The following HNF4A variants were observed in gnomAD, a reference collection of about 807,000 sequenced individuals.
HNF4A encodes the protein hepatocyte nuclear factor 4 alpha.
A neutral mutation model predicts 52.4 loss-of-function variants in HNF4A; 15 were observed. The ratio of observed to expected loss-of-function variants is 0.29; its 90% CI spans 0.19 to 0.44. HNF4A has a LOEUF of 0.44. HNF4A is among the 20% of genes least tolerant of loss of function. The pLI is 1.00. For synonymous variants in HNF4A, 280 were observed against 264.4 expected, an observed-to-expected ratio of 1.06 and a Z score of -0.57; for missense variants, 479 against 647.2, an observed-to-expected ratio of 0.74 and a Z score of 2.82.
chr20:44,360,867 T>C (rs996526638), intron 1 of HNF4A, among the ~76,000 whole-genome samples: 1 of 152,166 alleles, frequency 6.6e-6, no homozygotes, highest in African/African-American at 2.4e-5. Context: ...ACTTCTCTGG[T>C]CCTCAGTTTC....
Position 44,424,055 on chromosome 20 carries a change from G to C in HNF4A, c.930G>C (p.Arg310=). ...TGAGCGATCCAGGGAAGATCAAGCG[G>C]CTGCGTTCCCAGGTGCAGGTGAGCT... The change falls in exon 8 of 10, where the codon CGG becomes CGC. Residue 310 remains arginine, a synonymous_variant. Transcript: ENST00000316099. 6.2e-7 allele frequency: 1 copy of C among 1,613,292 alleles called. No individual in the cohort carries two copies. The highest frequency in any genetic ancestry group is 8.5e-7 in the Non-Finnish European group (1 of 1,179,988).
intron 6 of HNF4A, among the ~76,000 whole-genome samples, chr20:44,419,092 T>A (rs2063707928): frequency 6.6e-6 from 1 of 152,178 alleles, no homozygotes; most frequent in Non-Finnish European, 1.5e-5. Flanking sequence ...TGCATTCTGA[T>A]GTTCTTTCTG....
intron 1 of HNF4A, among the ~76,000 whole-genome samples, chr20:44,403,363 G>A (rs1165433581): frequency 1.3e-5 from 2 of 152,214 alleles, no homozygotes; most frequent in Non-Finnish European, 2.9e-5. Context: ...ATAAATAATA[G>A]TGTCTGTCTC....
chr20:44,404,711 G>A (rs957220844), intron 1 of HNF4A, among the ~76,000 whole-genome samples: 1 of 92,524 alleles, frequency 1.1e-5, no homozygotes, highest in Non-Finnish European at 2.3e-5. Flanking sequence ...GAGCGTGTGT[G>A]TGCTTATGTG....
rs2063717890 is a variant in HNF4A at position 44,419,758 on chromosome 20, G to C, written c.774G>C (p.Leu258=). ...TTGTCCCTCGGCACTGCCCGGAGCT[G>C]GCGGAGATGAGCCGGGTGTCCATAC... Residue 258 remains leucine (L), a synonymous_variant, in exon 7 of 10, where the codon CTG becomes CTC. Transcript: ENST00000316099. 3 of 1,614,080 alleles carry C rather than the reference G, an allele frequency of 1.9e-6. No homozygotes were observed. Among genetic ancestry groups the C allele is most frequent in the South Asian group, 1.1e-5 (1 of 91,086 alleles).
intron 5 of HNF4A, among the ~76,000 whole-genome samples, chr20:44,415,699 G>A (rs768491779): frequency 2.6e-5 from 4 of 152,208 alleles, no homozygotes; most frequent in Admixed American, 6.5e-5. Flanking sequence ...ACTTTGCAGA[G>A]GCCGAGGCTT....
chr20:44,387,288 TAAAAAAAAAAA>T (rs537843651), intron 1 of HNF4A, among the ~76,000 whole-genome samples: 9 of 82,012 alleles, frequency 1.1e-4, no homozygotes, highest in South Asian at 4.2e-4. Context: ...AACTTCATCT[TAAAAAAAAAAA>T]AAAAAAAAAA....
At chr20:44,406,929 T>C (rs1194636744) in intron 2 of HNF4A, among the ~76,000 whole-genome samples, 1 of 152,186 alleles carries the variant, frequency 6.6e-6, no homozygotes, top group Non-Finnish European at 1.5e-5. Flanking sequence ...AGGGTTAACA[T>C]TCAGGGCCCC....
intron 7 of HNF4A, among the ~76,000 whole-genome samples, chr20:44,420,205 G>A (rs41282028): frequency 0.02 from 3,020 of 152,064 alleles, 96 homozygotes; most frequent in African/African-American, 0.07. Context: ...GGTGGTGCAC[G>A]CCTGTAATCC....
intron 1 of HNF4A, among the ~76,000 whole-genome samples, chr20:44,366,447 C>T (rs538942872): frequency 6.6e-6 from 1 of 152,156 alleles, no homozygotes; most frequent in South Asian, 2.1e-4. Flanking sequence ...ATGCTGAAAT[C>T]CCATCTCTAC....
intron 3 of HNF4A, chr20:44,408,090 A>T (rs2063529423): frequency 6.0e-6 from 1 of 167,428 alleles, no homozygotes. Flanking sequence ...ACCAGCAGGT[A>T]TCAGTCACTG....
At chr20:44,426,475 G>C (rs969347668) in intron 8 of HNF4A, among the ~76,000 whole-genome samples, 8 of 152,032 alleles carry the variant, frequency 5.3e-5, no homozygotes, top group African/African-American at 2.4e-5. Context: ...TGATTAGAAT[G>C]ATAGGTCATG....
intron 1 of HNF4A, among the ~76,000 whole-genome samples, chr20:44,356,206 T>A (rs933255026): frequency 6.6e-6 from 1 of 152,080 alleles, no homozygotes; most frequent in African/African-American, 2.4e-5. Context: ...CAAATTGAGG[T>A]CCACCAGGAG....
At chr20:44,357,692 C>T (rs1014134034) in intron 1 of HNF4A, among the ~76,000 whole-genome samples, 3 of 152,066 alleles carry the variant, frequency 2.0e-5, no homozygotes, top group Non-Finnish European at 2.9e-5. Flanking sequence ...TTGCTTCTAT[C>T]GACAGGTAGG....
chr20:44,417,966 C>T (rs2063688481), intron 5 of HNF4A, among the ~76,000 whole-genome samples: 1 of 141,510 alleles, frequency 7.1e-6, no homozygotes, highest in South Asian at 2.3e-4. Context: ...GAGACTCTGT[C>T]TCAAAAAAAA....
At chr20:44,409,244 C>T (rs191160126) in intron 3 of HNF4A, among the ~76,000 whole-genome samples, 1 of 152,210 alleles carries the variant, frequency 6.6e-6, no homozygotes, top group Non-Finnish European at 1.5e-5. Flanking sequence ...ACTCCCTCCT[C>T]TCCCAAACCC....
rs549590420 is a variant in HNF4A at position 44,421,166 on chromosome 20, A to G, written c.892+1290A>G. Among the ~76,000 whole-genome samples the G allele has an allele frequency of 1.7e-4, 26 of 152,182 alleles. No individual in the cohort carries two copies. The East Asian group carries it at 5.0e-3, about 29-fold the overall frequency. On this transcript the variant is annotated intron_variant, in intron 7 of 9. Coordinates refer to ENST00000316099, the MANE Select transcript of HNF4A (RefSeq NM_000457.6). ...TTTATCTTTCCTTTCTTGTTCTATC[A>G]ACTGTAGACGGTATCTCCCAACCCT... is the stretch of plus-strand genomic sequence containing the variant.
chr20:44,379,166 A>C (rs1035518210), intron 1 of HNF4A, among the ~76,000 whole-genome samples: 1 of 152,140 alleles, frequency 6.6e-6, no homozygotes, highest in Non-Finnish European at 1.5e-5. Flanking sequence ...CATTGTATGC[A>C]TATACCACAT....
In HNF4A at chr20:44,407,381, A is replaced by G; in HGVS notation, c.291A>G (p.Arg97=). The G allele has an allele frequency of 6.2e-7, 1 of 1,609,066 alleles. No individual in the cohort carries two copies. Among genetic ancestry groups the G allele is most frequent in the Non-Finnish European group, 8.5e-7 (1 of 1,177,298 alleles). Residue 97 remains arginine, a splice_region_variant and synonymous_variant, in exon 3 of 10, where the codon AGA becomes AGG. Transcript: ENST00000316099. ...TCCAACCATCCAAAGCCCTCCCCAG[A>G]TTTAGCCGGCAGTGCGTGGTGGACA... is the stretch of plus-strand genomic sequence containing the variant.
Sources: allele counts gnomAD v4.1 joint callset (sites outside exome capture counted in the v4.1 genomes callset), GRCh38; gene constraint gnomAD v4.1.1; transcripts MANE v1.5; gene names NCBI Gene and HGNC (gene_info 2026-07-23, HGNC 2026-07-21).